The following WASHC5 variants were observed in gnomAD, a reference collection of about 807,000 sequenced individuals.
WASHC5 encodes WASH complex subunit strumpellin.
In WASHC5, 101 loss-of-function variants were observed where a neutral mutation model predicts 150.4. That is an observed-to-expected ratio of 0.67 (90% CI 0.57 to 0.79). The LOEUF (loss-of-function observed/expected upper bound fraction) is 0.79. Among genes scored for constraint, WASHC5 ranks in the 30% least tolerant of loss-of-function variants. WASHC5 has a pLI of 0.00. For missense variants in WASHC5, 1,195 were observed against 1,396.3 expected (o/e 0.86, Z 2.30); for synonymous variants, 467 against 491.2 (o/e 0.95, Z 0.65).
intron 28 of WASHC5, among the ~76,000 whole-genome samples, chr8:125,026,995 C>T (rs1485797514): frequency 6.6e-6 from 1 of 152,082 alleles, no homozygotes. Context: ...CATTCAGAAA[C>T]ATGGACTTTC....
chr8:125,066,106 C>T (rs1400821743), intron 10 of WASHC5, among the ~76,000 whole-genome samples: 4 of 152,094 alleles, frequency 2.6e-5, no homozygotes, highest in African/African-American at 9.7e-5. Context: ...ATTTCCAGCA[C>T]CTGGCAAAGA....
chr8:125,048,178 T>TATAA, intron 19 of WASHC5, among the ~76,000 whole-genome samples: 1 of 152,342 alleles, frequency 6.6e-6, no homozygotes, highest in South Asian at 2.1e-4. Context: ...TTCTGTCTTA[T>TATAA]GAGTTGACAT....
chr8:125,088,179 C>A (rs1440330569), intron 1 of WASHC5, among the ~76,000 whole-genome samples: 1 of 152,106 alleles, frequency 6.6e-6, no homozygotes. Flanking sequence ...TGTGGTGACT[C>A]ACTCCTGTAA....
At chr8:125,089,329 A>C (rs182225764) in intron 1 of WASHC5, among the ~76,000 whole-genome samples, 135 of 152,242 alleles carry the variant, frequency 8.9e-4, no homozygotes, top group Non-Finnish European at 2.6e-4. Flanking sequence ...TTCCCTGGGC[A>C]ATATTGGAAG....
chr8:125,060,372 G>A (rs1816557408), intron 12 of WASHC5, among the ~76,000 whole-genome samples: 1 of 151,934 alleles, frequency 6.6e-6, no homozygotes, highest in Non-Finnish European at 1.5e-5. Flanking sequence ...TGTAGTCCCA[G>A]CTACCCAGGA....
At chr8:125,056,890 G>T in intron 15 of WASHC5, 73 bp from the exon 16 acceptor site, 1 of 1,567,138 alleles carries the variant, frequency 6.4e-7, no homozygotes, top group South Asian at 1.1e-5. Flanking sequence ...ATATTAGGAT[G>T]CCTAATTTGT....
At chr8:125,054,711 C>T (rs533444797) in intron 17 of WASHC5, among the ~76,000 whole-genome samples, 4 of 151,650 alleles carry the variant, frequency 2.6e-5, no homozygotes, top group East Asian at 1.9e-4. Context: ...CCCAGCTACT[C>T]GGGAGGCTGA....
At chr8:125,081,586 A>C (rs913867870) in intron 5 of WASHC5, 75 bp downstream of exon 5, 1 of 845,230 alleles carries the variant, frequency 1.2e-6, no homozygotes. Flanking sequence ...TGTTCACAGT[A>C]TAAGGAATAT....
chr8:125,066,666 G>A (rs2130132416), intron 10 of WASHC5, among the ~76,000 whole-genome samples: 1 of 152,270 alleles, frequency 6.6e-6, no homozygotes, highest in East Asian at 1.9e-4. Context: ...AGTCCTGCAA[G>A]GCCTAGTATG....
chr8:125,083,701 G>A lies in WASHC5; in HGVS notation c.186+12C>T, dbSNP rs547510225. 28 of 1,592,056 alleles carry A rather than the reference G, an allele frequency of 1.8e-5. No homozygotes were observed. The South Asian group carries it at 2.6e-4, about 15-fold the overall frequency. On this transcript the variant is annotated intron_variant, in intron 2 of 28. Transcript: ENST00000318410. ...AAAAGACAACAATAAAAATGCTATA[G>A]AGGAAGATTACCTTAAAATAGCTGA...
chr8:125,081,906 G>A (rs1817277237), intron 4 of WASHC5, 145 bp from the exon 5 acceptor site: 5 of 677,292 alleles, frequency 7.4e-6, no homozygotes, highest in Non-Finnish European at 1.3e-5. Context: ...CCTCCAAGGA[G>A]CTCTTACCTT....
rs557660983 is a variant in WASHC5, at chr8:125,047,109, G to A, written c.2504+98C>T. 2.4e-4 allele frequency: 342 copies of A among 1,427,824 alleles called. 5 individuals are homozygous for A. The South Asian group carries it at 3.7e-3, about 15-fold the overall frequency. The allele number at this position is 1,427,824 out of a possible 1,614,324, so 88.4% of individuals were successfully genotyped here. A position where few individuals can be genotyped will look rare whatever the true frequency, so the allele number is the denominator to read the frequency against. On this transcript the variant is annotated intron_variant, in intron 20 of 28. Transcript: ENST00000318410. ...TCAGAATATGAGTTGACAAGTGCAG[G>A]ACCCCCGTGACTGGAATAGGGGCTG...
At chr8:125,086,138 C>G (rs1482444533) in intron 1 of WASHC5, among the ~76,000 whole-genome samples, 1 of 152,172 alleles carries the variant, frequency 6.6e-6, no homozygotes, top group South Asian at 2.1e-4. Flanking sequence ...GCTGCCGTAA[C>G]AAAGCACCAC....
intron 17 of WASHC5, among the ~76,000 whole-genome samples, chr8:125,051,418 T>C (rs1414263196): frequency 6.6e-6 from 1 of 152,210 alleles, no homozygotes; most frequent in African/African-American, 2.4e-5. Flanking sequence ...ATGGGTTCCA[T>C]CCAGTTTTGA....
chr8:125,026,668 T>A (rs1815386754), intron 28 of WASHC5, among the ~76,000 whole-genome samples: 1 of 152,164 alleles, frequency 6.6e-6, no homozygotes, highest in East Asian at 1.9e-4. Context: ...CCTTTCTCTC[T>A]TAATTTGAGA....
chr8:125,048,423 T>C (rs974781328), intron 19 of WASHC5, among the ~76,000 whole-genome samples: 1 of 152,160 alleles, frequency 6.6e-6, no homozygotes, highest in Non-Finnish European at 1.5e-5. Flanking sequence ...AAAGAAGACA[T>C]ACAAATGGCC....
At chr8:125,042,445 T>C (rs1356735882) in intron 23 of WASHC5, among the ~76,000 whole-genome samples, 1 of 152,210 alleles carries the variant, frequency 6.6e-6, no homozygotes, top group African/African-American at 2.4e-5. Context: ...GCTCCGTGAC[T>C]GTACGCACCC....
At chr8:125,080,173 A>G (rs561500766) in intron 5 of WASHC5, among the ~76,000 whole-genome samples, 1 of 152,322 alleles carries the variant, frequency 6.6e-6, no homozygotes, top group South Asian at 2.1e-4. Flanking sequence ...GGAAGTGTTC[A>G]GTGTCACTTC....
Position 125,061,122 on chromosome 8 carries a change from G to A in WASHC5, c.1481C>T (p.Ala494Val), listed in dbSNP as rs372031408. Residue 494 changes from alanine to valine, a missense_variant, in exon 12 of 29, where the codon GCG becomes GTG. Physicochemically the swap from Ala to Val is moderately conservative, Grantham distance 64. This residue lies in a region of WASHC5 where 997 missense variants were observed against 1,168.1 expected (regional missense o/e 0.85). Coordinates refer to ENST00000318410, the MANE Select transcript of WASHC5 (RefSeq NM_014846.4). ...TATCAGTTGTACAGTTTTTCTGCCCGCAGCAGTAGAATCATCATAATTTAA... is the reference window on the plus strand; with the variant it reads ...TATCAGTTGTACAGTTTTTCTGCCCACAGCAGTAGAATCATCATAATTTAA... ...LSLNYDDSTA[A>V]GRKTVQLIQA... is the part of the protein sequence containing the mutation. The A allele has an allele frequency of 5.6e-6, 9 of 1,611,994 alleles. No homozygotes were observed. Among genetic ancestry groups the A allele is most frequent in the East Asian group, 2.2e-5 (1 of 44,846 alleles).
Sources: gnomAD v4.1 joint callset for allele counts (sites outside exome capture counted in the v4.1 genomes callset) on GRCh38, gnomAD v4.1.1 for gene constraint, gnomAD v4.1.1 regional missense constraint, MANE v1.5 for transcripts, NCBI Gene and HGNC (gene_info 2026-07-23, HGNC 2026-07-21) for gene names.